PTPRD: variants seen among roughly 807,000 people sequenced by gnomAD.
PTPRD encodes protein tyrosine phosphatase receptor type D.
PTPRD carries 34 observed loss-of-function variants against 214.5 expected under a neutral mutation model. The observed-to-expected ratio is 0.16, with a 90% CI of 0.12 to 0.21. The LOEUF (loss-of-function observed/expected upper bound fraction) is 0.21. Among genes scored for constraint, PTPRD ranks in the 10% least tolerant of loss-of-function variants. PTPRD has a pLI of 1.00. For missense variants in PTPRD, 2,545 were observed against 2,398.7 expected (o/e 1.06, Z -1.27); for synonymous variants, 1,128 against 845.7 (o/e 1.33, Z -5.79).
chr9:9,325,974 T>C (rs987369348), intron 9 of PTPRD, among the ~76,000 whole-genome samples: 2 of 152,196 alleles, frequency 1.3e-5, no homozygotes, highest in African/African-American at 4.8e-5. Context: ...TCTTCGGTTC[T>C]GTTTATGCGA....
chr9:10,439,040 T>A (rs2098741389), intron 2 of PTPRD, among the ~76,000 whole-genome samples: 1 of 151,754 alleles, frequency 6.6e-6, no homozygotes, highest in African/African-American at 2.4e-5. Context: ...ACAAACATGA[T>A]ACAGCAGAGG....
At chr9:9,339,255 A>G (rs2045823833) in intron 9 of PTPRD, among the ~76,000 whole-genome samples, 1 of 151,974 alleles carries the variant, frequency 6.6e-6, no homozygotes, top group South Asian at 2.1e-4. Flanking sequence ...AGGCAGGTGG[A>G]TCACGAGGTC....
intron 9 of PTPRD, among the ~76,000 whole-genome samples, chr9:9,270,212 AT>A (rs1434029142): frequency 6.6e-6 from 1 of 151,300 alleles, no homozygotes; most frequent in Non-Finnish European, 1.5e-5. Flanking sequence ...AACAATTATT[AT>A]TTTCAATTAT....
At chr9:10,233,325 A>G (rs1245178347) in intron 3 of PTPRD, among the ~76,000 whole-genome samples, 2 of 152,038 alleles carry the variant, frequency 1.3e-5, no homozygotes. Flanking sequence ...TCCCAGTAAG[A>G]TAAGCTAGAT....
At chr9:10,504,115 C>CAACA (rs1555439817) in intron 2 of PTPRD, among the ~76,000 whole-genome samples, 1 of 26,970 alleles carries the variant, frequency 3.7e-5, no homozygotes, top group African/African-American at 1.8e-4. Flanking sequence ...GACTCTGTCT[C>CAACA]AAAAAAAAAA....
At chr9:8,496,211 A>AAC (rs60850678) in intron 26 of PTPRD, among the ~76,000 whole-genome samples, 1,984 of 91,418 alleles carry the variant, frequency 0.022, 11 homozygotes, top group African/African-American at 0.025. Flanking sequence ...CACACACACA[A>AAC]ACACACACAC....
At chr9:8,807,267 G>A (rs946454435) in intron 11 of PTPRD, among the ~76,000 whole-genome samples, 1 of 152,070 alleles carries the variant, frequency 6.6e-6, no homozygotes, top group African/African-American at 2.4e-5. Context: ...AACCCGGGAG[G>A]CAGAGGTTGC....
chr9:8,356,584 A>T (rs1317498627), intron 39 of PTPRD, among the ~76,000 whole-genome samples: 1 of 152,174 alleles, frequency 6.6e-6, no homozygotes, highest in East Asian at 1.9e-4. Flanking sequence ...CCCTGTCCAG[A>T]TCTCAGCTAT....
intron 11 of PTPRD, among the ~76,000 whole-genome samples, chr9:8,921,805 T>G (rs2098829848): frequency 6.6e-6 from 1 of 152,056 alleles, no homozygotes; most frequent in South Asian, 2.1e-4. Context: ...CCCAATAAAT[T>G]TTGATGTGGT....
At chr9:8,832,628 T>A (rs906820087) in intron 11 of PTPRD, among the ~76,000 whole-genome samples, 2 of 152,066 alleles carry the variant, frequency 1.3e-5, no homozygotes, top group Non-Finnish European at 1.5e-5. Flanking sequence ...GTGTGTTTTG[T>A]TAACAAAGTG....
chr9:8,760,284 T>A (rs951157158), intron 11 of PTPRD, among the ~76,000 whole-genome samples: 2 of 152,194 alleles, frequency 1.3e-5, no homozygotes, highest in African/African-American at 4.8e-5. Flanking sequence ...TAATTTTATT[T>A]CAATCATCAG....
chr9:9,739,757 G>A (rs559524443), intron 6 of PTPRD, among the ~76,000 whole-genome samples: 2 of 151,968 alleles, frequency 1.3e-5, no homozygotes, highest in Admixed American at 1.3e-4. Flanking sequence ...TGAGATATAT[G>A]TGCTGGGTCC....
At chr9:9,523,862 A>G (rs1274011872) in intron 8 of PTPRD, among the ~76,000 whole-genome samples, 2 of 151,874 alleles carry the variant, frequency 1.3e-5, no homozygotes, top group African/African-American at 4.8e-5. Flanking sequence ...CCGGCCCATT[A>G]CCCCGTGTCC....
chr9:9,568,148 A>G (rs2085175530), intron 8 of PTPRD, among the ~76,000 whole-genome samples: 1 of 151,876 alleles, frequency 6.6e-6, no homozygotes, highest in South Asian at 2.1e-4. Context: ...TATTTGTATA[A>G]TAAGAAGCCT....
intron 3 of PTPRD, among the ~76,000 whole-genome samples, chr9:10,172,772 T>A (rs996838255): frequency 6.6e-6 from 1 of 152,172 alleles, no homozygotes; most frequent in African/African-American, 2.4e-5. Context: ...GGCCTGCTAG[T>A]GATACCCAGG....
chr9:9,328,525 G>T (rs1194851730), intron 9 of PTPRD, among the ~76,000 whole-genome samples: 1 of 149,852 alleles, frequency 6.7e-6, no homozygotes, highest in African/African-American at 2.4e-5. Flanking sequence ...TGTCAATTTA[G>T]CATATGTGTT....
At chr9:9,997,570 T>C (rs1323911140) in intron 4 of PTPRD, among the ~76,000 whole-genome samples, 1 of 152,172 alleles carries the variant, frequency 6.6e-6, no homozygotes, top group Non-Finnish European at 1.5e-5. Context: ...ATTACAGGCG[T>C]GAGCCACCGT....
intron 12 of PTPRD, among the ~76,000 whole-genome samples, chr9:8,724,874 G>A (rs2098540807): frequency 1.3e-5 from 2 of 152,056 alleles, no homozygotes; most frequent in Admixed American, 6.5e-5. Flanking sequence ...GGAGGCAGAA[G>A]GTGCAGTGAG....
At chr9:8,584,011 C>T (rs1035125920) in intron 14 of PTPRD, among the ~76,000 whole-genome samples, 7 of 151,922 alleles carry the variant, frequency 4.6e-5, no homozygotes, top group Non-Finnish European at 8.8e-5. Context: ...AATTAGCCAT[C>T]GGTGTGGTGG....
Sources: gnomAD v4.1 joint callset for allele counts (sites outside exome capture counted in the v4.1 genomes callset) on GRCh38, gnomAD v4.1.1 for gene constraint, MANE v1.5 for transcripts, NCBI Gene and HGNC (gene_info 2026-07-23, HGNC 2026-07-21) for gene names.